The following SORBS2 variants were observed in gnomAD, a reference collection of about 807,000 sequenced individuals.
SORBS2 encodes the protein sorbin and SH3 domain containing 2.
A neutral mutation model predicts 97.7 loss-of-function variants in SORBS2; 46 were observed. The observed-to-expected ratio is 0.47, with a 90% confidence interval of 0.37 to 0.60. The LOEUF (loss-of-function observed/expected upper bound fraction) is 0.60, where lower values mean the gene tolerates loss of function less well. Ranked by LOEUF, SORBS2 falls within the 20% of genes least tolerant of loss-of-function variation. The pLI is 0.00. For missense variants in SORBS2, 1,316 were observed against 1,282.3 expected, an observed-to-expected ratio of 1.03 and a Z score of -0.40; for synonymous variants, 476 against 473.4, an observed-to-expected ratio of 1.01 and a Z score of -0.07.
rs147187036 is a variant in SORBS2 at position 185,826,508 on chromosome 4, C to G, written c.-337-51142G>C. ...AAGTCATCCTAGTCTCTAAACAGAACAAGTTGGTCCTGTGAGCTACTGAGG... is the reference window on the plus strand; with the variant it reads ...AAGTCATCCTAGTCTCTAAACAGAAGAAGTTGGTCCTGTGAGCTACTGAGG... On this transcript the variant is annotated intron_variant, in intron 1 of 20. Coordinates refer to the SORBS2 transcript ENST00000284776. Among the ~76,000 whole-genome samples the G allele has an allele frequency of 3.3e-5, 5 of 152,222 alleles. No homozygotes were observed. In the East Asian group the frequency reaches 7.7e-4, roughly 23 times the overall value.
chr4:185,837,510 G>C (rs756191591), intron 1 of SORBS2, among the ~76,000 whole-genome samples: 10 of 152,240 alleles, frequency 6.6e-5, no homozygotes, highest in Non-Finnish European at 1.5e-4. Flanking sequence ...TCATGCAATC[G>C]TTAATCAAAT....
chr4:185,805,419 G>A (rs1446852164), intron 1 of SORBS2, among the ~76,000 whole-genome samples: 3 of 152,150 alleles, frequency 2.0e-5, no homozygotes, highest in East Asian at 1.9e-4. Context: ...GCTGTAAGCC[G>A]TTCATTCATT....
At chr4:185,801,729 T>C (rs1441752628) in intron 1 of SORBS2, among the ~76,000 whole-genome samples, 1 of 152,228 alleles carries the variant, frequency 6.6e-6, no homozygotes, top group Non-Finnish European at 1.5e-5. Flanking sequence ...CATTTCTTAA[T>C]CTTTCCATGT....
At chr4:185,588,094 G>A in intron 14 of SORBS2, 1 of 181,498 alleles carries the variant, frequency 5.5e-6, no homozygotes, top group Non-Finnish European at 1.2e-5. Context: ...AGCTTCTCAG[G>A]GACCAGCAAC....
At chr4:185,807,751 T>G (rs2099163031) in intron 1 of SORBS2, among the ~76,000 whole-genome samples, 1 of 152,240 alleles carries the variant, frequency 6.6e-6, no homozygotes, top group African/African-American at 2.4e-5. Flanking sequence ...GAAAACATAT[T>G]TATCTGTATT....
intron 1 of SORBS2, among the ~76,000 whole-genome samples, chr4:185,784,516 G>C (rs992893375): frequency 6.6e-6 from 1 of 152,146 alleles, no homozygotes; most frequent in Non-Finnish European, 1.5e-5. Context: ...CTAACAGAGA[G>C]ATGATACAGC....
At chr4:185,850,877 C>T (rs1306259485) in intron 1 of SORBS2, among the ~76,000 whole-genome samples, 1 of 152,136 alleles carries the variant, frequency 6.6e-6, no homozygotes, top group Admixed American at 6.5e-5. Flanking sequence ...ATCATCTCAT[C>T]TGTTGAGGGC....
At chr4:185,742,606 C>T (rs891934097) in intron 2 of SORBS2, among the ~76,000 whole-genome samples, 1 of 152,162 alleles carries the variant, frequency 6.6e-6, no homozygotes, top group African/African-American at 2.4e-5. Flanking sequence ...ATCATAGAGC[C>T]TTTGACACAG....
intron 1 of SORBS2, among the ~76,000 whole-genome samples, chr4:185,845,590 A>C (rs1256174583): frequency 6.6e-6 from 1 of 152,228 alleles, no homozygotes; most frequent in Non-Finnish European, 1.5e-5. Flanking sequence ...CACAGTTAAA[A>C]TACTCTGCTA....
chr4:185,652,553 G>A (rs569835576), intron 2 of SORBS2, 109 bp downstream of exon 10: 64 of 835,520 alleles, frequency 7.7e-5, no homozygotes, highest in African/African-American at 1.7e-4. Context: ...AAGGGGACAC[G>A]GAGTTTGCTG....
At chr4:185,866,305 C>T (rs546536550) in intron 1 of SORBS2, among the ~76,000 whole-genome samples, 1 of 152,290 alleles carries the variant, frequency 6.6e-6, no homozygotes, top group African/African-American at 2.4e-5. Context: ...GAGAACCTGT[C>T]CCAAATCAGA....
Position 185,623,004 on chromosome 4 carries a change from A to G in SORBS2, c.2125T>C (p.Cys709Arg), listed in dbSNP as rs1219968762. The change falls in exon 7 of 15, where the codon TGC becomes CGC. Residue 709 changes from cysteine to arginine, a missense_variant. Transcript: ENST00000418609. The surrounding 1 kb of genome is among the most constrained non-coding windows in gnomAD (Gnocchi z 6.4). ...GAGGCACTGCGGGGCATTCTCCCGC[A>G]GTCATTCTGGTAGGGTGGACAATGA... 1.9e-6 allele frequency: 3 copies of G among 1,614,158 alleles called. No individual in the cohort carries two copies. The highest frequency in any genetic ancestry group is 2.2e-5 in the South Asian group (2 of 91,070).
At chr4:185,900,604 A>G (rs1207342000) in intron 1 of SORBS2, among the ~76,000 whole-genome samples, 1 of 152,222 alleles carries the variant, frequency 6.6e-6, no homozygotes, top group Non-Finnish European at 1.5e-5. Flanking sequence ...AGAGAGAAAA[A>G]AAATTCAAAA....
At chr4:185,725,683 T>C (rs1005187080) in intron 2 of SORBS2, among the ~76,000 whole-genome samples, 8 of 152,200 alleles carry the variant, frequency 5.3e-5, no homozygotes, top group African/African-American at 1.9e-4. Flanking sequence ...TAATTTCAGG[T>C]TTGTCATTTC....
intron 1 of SORBS2, among the ~76,000 whole-genome samples, chr4:185,882,265 C>T (rs2099237262): frequency 6.6e-6 from 1 of 151,938 alleles, no homozygotes. Flanking sequence ...TATACAAGGT[C>T]AATATACAAA....
chr4:185,742,273 C>T (rs1296008988), intron 2 of SORBS2, among the ~76,000 whole-genome samples: 2 of 152,230 alleles, frequency 1.3e-5, no homozygotes, highest in Non-Finnish European at 2.9e-5. Context: ...GCAAAAACCA[C>T]AGGCCTAAAT....
At chr4:185,633,881 C>G (rs1047614034) in intron 4 of SORBS2, among the ~76,000 whole-genome samples, 2 of 151,728 alleles carry the variant, frequency 1.3e-5, no homozygotes, top group African/African-American at 4.8e-5. Context: ...TAAAAACACC[C>G]TAGAAATATC....
chr4:185,594,247 A>G (rs1316624380), intron 12 of SORBS2, among the ~76,000 whole-genome samples: 2 of 152,238 alleles, frequency 1.3e-5, no homozygotes, highest in African/African-American at 4.8e-5. Context: ...AGGCAAGAAC[A>G]TAGACGGCAA....
intron 1 of SORBS2, among the ~76,000 whole-genome samples, chr4:185,851,361 A>G (rs2099217792): frequency 6.6e-6 from 1 of 152,140 alleles, no homozygotes; most frequent in African/African-American, 2.4e-5. Flanking sequence ...GTGGTTCCAT[A>G]TTCTTTTACG....
Sources: allele counts gnomAD v4.1 joint callset (sites outside exome capture counted in the v4.1 genomes callset), GRCh38; gene constraint gnomAD v4.1.1; non-coding constraint Gnocchi (gnomAD v3.1); transcripts MANE v1.5; gene names NCBI Gene and HGNC (gene_info 2026-07-23, HGNC 2026-07-21).